The following HABP2 variants were observed in gnomAD, a reference collection of about 807,000 sequenced individuals.
HABP2 encodes the protein hyaluronan binding protein 2.
Under a neutral mutation model 66.5 loss-of-function variants are expected in HABP2, and 65 were observed. The ratio of observed to expected loss-of-function variants is 0.98; its 90% CI spans 0.80 to 1.20. The LOEUF is 1.20. Ranked by LOEUF, HABP2 falls within the 50% of genes most tolerant of loss-of-function variation. HABP2 has a pLI of 0.00. For synonymous variants in HABP2, 263 were observed against 253.9 expected (o/e 1.04, Z -0.34); for missense variants, 786 against 691.0 (o/e 1.14, Z -1.54).
intron 9 of HABP2, among the ~76,000 whole-genome samples, chr10:113,582,886 A>G (rs997784354): frequency 3.3e-5 from 5 of 152,210 alleles, no homozygotes; most frequent in African/African-American, 1.2e-4. Flanking sequence ...GTGCTCCTCA[A>G]GAGAGGTCAA....
At chr10:113,559,092 T>C (rs768306740) in intron 1 of HABP2, among the ~76,000 whole-genome samples, 2 of 152,210 alleles carry the variant, frequency 1.3e-5, no homozygotes, top group Non-Finnish European at 2.9e-5. Flanking sequence ...TGACCTTAAG[T>C]GATCCACCCG....
chr10:113,581,644 G>C (rs1845534098), intron 8 of HABP2, among the ~76,000 whole-genome samples: 1 of 152,196 alleles, frequency 6.6e-6, no homozygotes, highest in Non-Finnish European at 1.5e-5. Flanking sequence ...ACTTTGAAAT[G>C]GACAAGAAAA....
chr10:113,575,028 G>A (rs75738817), intron 3 of HABP2, among the ~76,000 whole-genome samples: 1 of 5,448 alleles, frequency 1.8e-4, no homozygotes, highest in Non-Finnish European at 1.1e-3. Context: ...CAAGCAGTGG[G>A]ACAGAAAAGA....
At chr10:113,569,943 G>C (rs1356486013) in intron 2 of HABP2, 1 of 152,284 alleles carries the variant, frequency 6.6e-6, no homozygotes, top group African/African-American at 2.4e-5. Flanking sequence ...AACCAGAGCA[G>C]CTGCAAAGCT....
At chr10:113,561,017 A>G (rs1845090931) in intron 1 of HABP2, among the ~76,000 whole-genome samples, 1 of 152,338 alleles carries the variant, frequency 6.6e-6, no homozygotes, top group African/African-American at 2.4e-5. Context: ...AAAACGATAA[A>G]TGTGATGTTC....
chr10:113,576,625 C>G (rs1215324278), intron 4 of HABP2, among the ~76,000 whole-genome samples: 4 of 152,184 alleles, frequency 2.6e-5, no homozygotes, highest in South Asian at 4.1e-4. Flanking sequence ...GCTGCTCTAG[C>G]AACCATCTTA....
intron 12 of HABP2, 51 bp downstream of exon 12, chr10:113,585,989 C>A (rs1412060278): frequency 6.4e-7 from 1 of 1,552,562 alleles, no homozygotes; most frequent in Admixed American, 1.7e-5. Context: ...CAGGATGTTT[C>A]ACTAGGCAGA....
At chr10:113,572,535 G>T in intron 2 of HABP2, 1 of 249,150 alleles carries the variant, frequency 4.0e-6, no homozygotes. Context: ...ACTAAGCAAT[G>T]CAATCAGCTC....
chr10:113,572,044 G>A (rs975008558), intron 2 of HABP2, among the ~76,000 whole-genome samples: 3 of 152,212 alleles, frequency 2.0e-5, no homozygotes, highest in Non-Finnish European at 2.9e-5. Flanking sequence ...CAAATGGAAA[G>A]GATCTTTGTG....
chr10:113,589,282 C>T lies in HABP2; in HGVS notation c.*913C>T, dbSNP rs904514689. ...AGCAAAGCCAATCTCTCATTTAGAC[C>T]TGGCTTCTTTCTTCTGAACAAAGTA... On this transcript the variant is annotated 3_prime_UTR_variant, in exon 13 of 13. Transcript: ENST00000351270. 1.2e-4 allele frequency: 69 copies of T among 588,278 alleles called. No homozygotes were observed. The highest frequency in any genetic ancestry group is 1.9e-4 in the Non-Finnish European group (65 of 333,440). 36.4% of individuals were successfully genotyped at this position (588,278 alleles called of 1,614,324 possible).
intron 4 of HABP2, 102 bp downstream of exon 4, chr10:113,576,106 C>A: frequency 1.4e-6 from 1 of 728,626 alleles, no homozygotes; most frequent in Non-Finnish European, 2.5e-6. Context: ...AGGATTATAA[C>A]TGCAATACTG....
In HABP2 at chr10:113,585,860, C is replaced by A; in HGVS notation, c.1440C>A (p.Arg480=). ...KLIANTLCNS[R]QLYDHMIDDS... is the part of the protein sequence containing the mutation. The stretch of plus-strand genomic sequence containing the variant: ...TTGCCAACACTTTGTGCAACTCCCG[C>A]CAACTCTATGACCACATGATTGATG... Residue 480 remains arginine, a synonymous_variant, in exon 12 of 13, where the codon CGC becomes CGA. Coordinates refer to ENST00000351270, the MANE Select transcript of HABP2 (RefSeq NM_004132.5). 2 of 1,613,562 alleles carry A rather than the reference C, an allele frequency of 1.2e-6. No individual in the cohort carries two copies. The highest frequency in any genetic ancestry group is 1.7e-6 in the Non-Finnish European group (2 of 1,179,480).
At chr10:113,552,570 T>C (rs1042052372), upstream of HABP2, among the ~76,000 whole-genome samples, 1 of 152,232 alleles carries the variant, frequency 6.6e-6, no homozygotes, top group Non-Finnish European at 1.5e-5. Flanking sequence ...TGGGCAACAC[T>C]TCAAAGGGCC....
chr10:113,588,846 A>AT lies in HABP2; in HGVS notation c.*481dup. ...TTCTCCATCTGCTTTCAGAGTTATT[A>AT]TTTTAATAAAGGAAGATCTGGGATG... On this transcript the variant is annotated 3_prime_UTR_variant, in exon 13 of 13. Transcript: ENST00000351270. 1 of 709,992 alleles carries AT rather than the reference A, an allele frequency of 1.4e-6. No individual in the cohort carries two copies. The highest frequency in any genetic ancestry group is 2.5e-6 in the Non-Finnish European group (1 of 398,818). The allele number at this position is 709,992 out of a possible 1,614,324, so 44.0% of individuals were successfully genotyped here. A position where few individuals can be genotyped will look rare whatever the true frequency, so the allele number is the denominator to read the frequency against.
rs952986445 is a variant in HABP2 at position 113,581,375 on chromosome 10, T to C, written c.839-501T>C. On this transcript the variant is annotated intron_variant, in intron 8 of 12. Coordinates refer to ENST00000351270, the MANE Select transcript of HABP2 (RefSeq NM_004132.5). ...AGGACAAGGCACCACCTATACAACATTTACTGCTCTCTCCTTTTGTGTCAC... is the reference window on the plus strand; with the variant it reads ...AGGACAAGGCACCACCTATACAACACTTACTGCTCTCTCCTTTTGTGTCAC... Among the ~76,000 whole-genome samples the C allele has an allele frequency of 4.0e-4, 61 of 152,226 alleles. 2 individuals are homozygous for C.
At chr10:113,559,320 C>T (rs1035810935) in intron 1 of HABP2, among the ~76,000 whole-genome samples, 1 of 152,236 alleles carries the variant, frequency 6.6e-6, no homozygotes, top group Non-Finnish European at 1.5e-5. Context: ...ATATTTCTCA[C>T]CAAGTCTCAC....
chr10:113,564,448 C>T (rs1383190380), intron 1 of HABP2, among the ~76,000 whole-genome samples: 1 of 152,098 alleles, frequency 6.6e-6, no homozygotes, highest in Non-Finnish European at 1.5e-5. Flanking sequence ...GCCTAAGCTG[C>T]CCTTCCTCTG....
chr10:113,564,435 A>C (rs1227213845), intron 1 of HABP2, among the ~76,000 whole-genome samples: 1 of 152,060 alleles, frequency 6.6e-6, no homozygotes, highest in Non-Finnish European at 1.5e-5. Flanking sequence ...GAGCACCCCT[A>C]AGGCCTAAGC....
At position 113,564,598 on chromosome 10, in the gene HABP2, GA is replaced by G. The variant is rs1181537790; in HGVS notation, c.70-2890del. On this transcript the variant is annotated intron_variant, in intron 1 of 12. Transcript: ENST00000351270. Reference sequence around the variant, plus strand: ...AGAGGCACAGTCCCCGATAACAAATGACCTCTCTTCCTTTTTTTGCATTCCT... The same window carrying G: ...AGAGGCACAGTCCCCGATAACAAATGCCTCTCTTCCTTTTTTTGCATTCCT... Among the ~76,000 whole-genome samples the G allele has an allele frequency of 2.0e-5, 3 of 152,062 alleles. No homozygotes were observed. The East Asian group carries it at 5.8e-4, about 29-fold the overall frequency.
Sources: allele counts gnomAD v4.1 joint callset (sites outside exome capture counted in the v4.1 genomes callset), GRCh38; gene constraint gnomAD v4.1.1; transcripts MANE v1.5; gene names NCBI Gene and HGNC (gene_info 2026-07-23, HGNC 2026-07-21).